The following SNX29 variants were observed in gnomAD, a reference collection of about 807,000 sequenced individuals.
The protein encoded by SNX29 is sorting nexin-29.
In SNX29, 78 loss-of-function variants were observed where a neutral mutation model predicts 102.1. The observed-to-expected ratio is 0.76, with a 90% CI of 0.64 to 0.92. The LOEUF (loss-of-function observed/expected upper bound fraction) is 0.92. Ranked by LOEUF, SNX29 falls within the 40% of genes least tolerant of loss-of-function variation. The pLI is 0.00. For synonymous variants in SNX29, 580 were observed against 414.5 expected, an observed-to-expected ratio of 1.40 and a Z score of -4.85; for missense variants, 1,280 against 1,061.7, an observed-to-expected ratio of 1.21 and a Z score of -2.86.
chr16:12,054,404 A>T (rs780972686), intron 8 of SNX29, among the ~76,000 whole-genome samples: 2 of 152,100 alleles, frequency 1.3e-5, no homozygotes, highest in Non-Finnish European at 2.9e-5. Flanking sequence ...ATCAGTGGGG[A>T]TGTTTCTGGG....
rs549602328 is a variant in SNX29 at position 12,571,236 on chromosome 16, G to A, written c.*2607G>A. ...CAGGGTTCCCAGTTCCTGGAGTTAT[G>A]GAGCAGAAACACCCAGGCCTAGCAG... On this transcript the variant is annotated 3_prime_UTR_variant, in exon 21 of 21. Coordinates refer to ENST00000566228, the MANE Select transcript of SNX29 (RefSeq NM_032167.5). 4.3e-6 allele frequency: 1 copy of A among 232,150 alleles called. No homozygotes were observed. Among genetic ancestry groups the A allele is most frequent in the African/African-American group, 2.2e-5 (1 of 45,274 alleles). 14.4% of individuals were successfully genotyped at this position (232,150 alleles called of 1,614,324 possible). A position where few individuals can be genotyped will look rare whatever the true frequency, so the allele number is the denominator to read the frequency against.
At position 12,490,097 on chromosome 16, in the gene SNX29, C is replaced by T. The variant is rs189080267; in HGVS notation, c.2178+12238C>T. Among the ~76,000 whole-genome samples, 554 of 152,260 alleles carry T rather than the reference C, an allele frequency of 3.6e-3. 5 individuals are homozygous for T. The highest frequency in any genetic ancestry group is 0.012 in the African/African-American group (519 of 41,548). On this transcript the variant is annotated intron_variant, in intron 19 of 20. Transcript: ENST00000566228. ...CTGGGATTACAGGCGTGAGCCACAACGCCAGGGCTTTTTTGGCTGTTTTTT... is the reference window on the plus strand; with the variant it reads ...CTGGGATTACAGGCGTGAGCCACAATGCCAGGGCTTTTTTGGCTGTTTTTT...
chr16:12,137,270 G>C (rs919243882), intron 13 of SNX29, among the ~76,000 whole-genome samples: 2 of 152,218 alleles, frequency 1.3e-5, no homozygotes, highest in African/African-American at 2.4e-5. Context: ...TTCTTGGCTG[G>C]TGTCTTGGCT....
chr16:12,206,520 A>G (rs1363217531), intron 14 of SNX29, among the ~76,000 whole-genome samples: 2 of 152,110 alleles, frequency 1.3e-5, no homozygotes, highest in Non-Finnish European at 2.9e-5. Context: ...AGATGCACGC[A>G]GTTAGCTCCC....
intron 19 of SNX29, among the ~76,000 whole-genome samples, chr16:12,497,360 G>T (rs1042685834): frequency 5.3e-5 from 8 of 152,224 alleles, no homozygotes; most frequent in Non-Finnish European, 8.8e-5. Context: ...CCTGCCCTCA[G>T]AGAGTTCACA....
chr16:12,559,433 A>T (rs2078584062), intron 20 of SNX29, among the ~76,000 whole-genome samples: 1 of 151,612 alleles, frequency 6.6e-6, no homozygotes, highest in East Asian at 1.9e-4. Context: ...AAACAAGCTC[A>T]GGGCTCCCAA....
At chr16:12,182,023 A>G (rs1167882532) in intron 13 of SNX29, among the ~76,000 whole-genome samples, 2 of 151,860 alleles carry the variant, frequency 1.3e-5, no homozygotes, top group African/African-American at 4.8e-5. Flanking sequence ...AGCTAGGACT[A>G]CAGGCATGCG....
intron 11 of SNX29, among the ~76,000 whole-genome samples, chr16:12,099,208 C>T (rs9923238): frequency 1.3e-5 from 2 of 152,176 alleles, no homozygotes; most frequent in Non-Finnish European, 2.9e-5. Context: ...TTGCTGTGAA[C>T]ATTGGCTAAA....
At chr16:11,991,770 C>G (rs1466530907) in intron 1 of SNX29, among the ~76,000 whole-genome samples, 1 of 144,188 alleles carries the variant, frequency 6.9e-6, no homozygotes, top group African/African-American at 2.6e-5. Flanking sequence ...CCAGGCTGGT[C>G]TCAAACTCCT....
At chr16:12,550,116 G>A (rs2077875976) in intron 20 of SNX29, among the ~76,000 whole-genome samples, 1 of 152,174 alleles carries the variant, frequency 6.6e-6, no homozygotes, top group Non-Finnish European at 1.5e-5. Flanking sequence ...TGAGGCTGAT[G>A]TACACTCACA....
intron 15 of SNX29, among the ~76,000 whole-genome samples, chr16:12,335,884 C>G (rs952967175): frequency 2.6e-5 from 4 of 151,840 alleles, no homozygotes; most frequent in Non-Finnish European, 4.4e-5. Flanking sequence ...CATGCTCAAG[C>G]TCATGTGGCT....
At chr16:12,366,997 C>G (rs1302014576) in intron 16 of SNX29, 1 of 152,210 alleles carries the variant, frequency 6.6e-6, no homozygotes, top group East Asian at 1.9e-4. Context: ...ATGATAATTG[C>G]CATTCATTAC....
chr16:12,419,219 G>A (rs1567543989), intron 18 of SNX29, among the ~76,000 whole-genome samples: 1 of 152,132 alleles, frequency 6.6e-6, no homozygotes, highest in Non-Finnish European at 1.5e-5. Context: ...ATCTTGGTCC[G>A]AGGGCTGGTG....
At chr16:12,567,433 C>T (rs532997618) in intron 20 of SNX29, among the ~76,000 whole-genome samples, 1 of 152,332 alleles carries the variant, frequency 6.6e-6, no homozygotes, top group Admixed American at 6.5e-5. Context: ...AGAGTAAGAA[C>T]ATTCCTAGCC....
At chr16:12,557,017 C>CCG (rs1555458252) in intron 20 of SNX29, among the ~76,000 whole-genome samples, 1 of 111,056 alleles carries the variant, frequency 9.0e-6, no homozygotes, top group Admixed American at 1.0e-4. Flanking sequence ...GCTAATTTAC[C>CCG]CCCCCCCCGC....
At chr16:12,065,782 A>G (rs1260188862) in intron 9 of SNX29, among the ~76,000 whole-genome samples, 2 of 152,094 alleles carry the variant, frequency 1.3e-5, no homozygotes, top group Admixed American at 6.6e-5. Flanking sequence ...CAGTCTTCCC[A>G]CTGGATCACT....
intron 15 of SNX29, among the ~76,000 whole-genome samples, chr16:12,312,665 T>C (rs1473141760): frequency 9.2e-6 from 1 of 108,426 alleles, no homozygotes; most frequent in Non-Finnish European, 1.8e-5. Context: ...GAGTGTCAGA[T>C]GTTTCTGCTT....
chr16:12,206,128 C>T (rs1003863593), intron 14 of SNX29, among the ~76,000 whole-genome samples: 6 of 152,150 alleles, frequency 3.9e-5, no homozygotes, highest in Admixed American at 1.3e-4. Flanking sequence ...TTAGTGACCA[C>T]GATTATCATG....
intron 15 of SNX29, among the ~76,000 whole-genome samples, chr16:12,322,691 G>A (rs928834225): frequency 6.0e-4 from 91 of 151,776 alleles, no homozygotes; most frequent in African/African-American, 2.1e-3. Flanking sequence ...GGACGCGGTC[G>A]CTGGGGACCA....
Sources: allele counts gnomAD v4.1 joint callset (sites outside exome capture counted in the v4.1 genomes callset), GRCh38; gene constraint gnomAD v4.1.1; transcripts MANE v1.5; gene names NCBI Gene and HGNC (gene_info 2026-07-23, HGNC 2026-07-21).